The following NOS1AP variants were observed in gnomAD, a reference collection of about 807,000 sequenced individuals.
NOS1AP encodes carboxyl-terminal PDZ ligand of neuronal nitric oxide synthase protein.
In NOS1AP, 21 loss-of-function variants were observed where a neutral mutation model predicts 56.2. That is an observed-to-expected ratio of 0.37 (90% confidence interval 0.26 to 0.54). NOS1AP has a LOEUF of 0.54. Ranked by LOEUF, NOS1AP falls within the 20% of genes least tolerant of loss-of-function variation. The pLI is 0.84. For synonymous variants in NOS1AP, 270 were observed against 274.6 expected (o/e 0.98, Z 0.17); for missense variants, 522 against 657.8 (o/e 0.79, Z 2.26).
At chr1:162,356,064 A>G (rs986701029) in intron 7 of NOS1AP, among the ~76,000 whole-genome samples, 2 of 152,174 alleles carry the variant, frequency 1.3e-5, no homozygotes, top group African/African-American at 4.8e-5. Flanking sequence ...TCTCTCTTTA[A>G]CATTCATATC....
chr1:162,158,293 T>C (rs1480149685), intron 2 of NOS1AP, among the ~76,000 whole-genome samples: 1 of 152,210 alleles, frequency 6.6e-6, no homozygotes, highest in Non-Finnish European at 1.5e-5. Flanking sequence ...GTCATCAAGG[T>C]TCATCCATGT....
intron 8 of NOS1AP, among the ~76,000 whole-genome samples, chr1:162,360,316 C>CT (rs1293265020): frequency 6.6e-6 from 1 of 152,240 alleles, no homozygotes; most frequent in East Asian, 1.9e-4. Flanking sequence ...CCTGGCTGCA[C>CT]TAGCTTCCTG....
chr1:162,166,277 A>G (rs945712), intron 2 of NOS1AP, among the ~76,000 whole-genome samples: 150,724 of 152,342 alleles, frequency 0.99, 74,582 homozygotes, highest in East Asian at 1. Context: ...GCATTGTCCT[A>G]CTTAAAACCA....
intron 2 of NOS1AP, among the ~76,000 whole-genome samples, chr1:162,155,401 CATAT>C (rs1238168171): frequency 6.5e-5 from 7 of 107,908 alleles, no homozygotes; most frequent in Non-Finnish European, 1.2e-4. Flanking sequence ...ATAGAGAGCT[CATAT>C]ATATATATAT....
At chr1:162,258,755 G>A (rs1571167702) in intron 2 of NOS1AP, among the ~76,000 whole-genome samples, 1 of 152,194 alleles carries the variant, frequency 6.6e-6, no homozygotes, top group African/African-American at 2.4e-5. Context: ...CTGAAGGAGG[G>A]TGAGAGTGCC....
At chr1:162,189,945 A>G (rs536467289) in intron 2 of NOS1AP, among the ~76,000 whole-genome samples, 2 of 152,288 alleles carry the variant, frequency 1.3e-5, no homozygotes, top group South Asian at 4.1e-4. Flanking sequence ...CCTCCCAGCA[A>G]CAGAGGGATG....
Position 162,285,649 on chromosome 1 carries a change from T to C in NOS1AP, c.178-1695T>C, listed in dbSNP as rs1655066569. Among the ~76,000 whole-genome samples the C allele has an allele frequency of 1.3e-5, 2 of 152,152 alleles. 1 individual carries two copies. Among genetic ancestry groups the C allele is most frequent in the South Asian group, 4.1e-4 (2 of 4,828 alleles). ...ATGCGCCTCTTCTTCTCTGTCTCCA[T>C]CTCCCTCTCTGCCTCCCGTTTCCCC... On this transcript the variant is annotated intron_variant, in intron 2 of 9. Transcript: ENST00000361897.
chr1:162,219,216 C>A (rs1052140257), intron 2 of NOS1AP, among the ~76,000 whole-genome samples: 2 of 152,114 alleles, frequency 1.3e-5, no homozygotes, highest in Non-Finnish European at 2.9e-5. Context: ...TGGTTGTGAT[C>A]GATGACATAA....
At chr1:162,356,478 C>T (rs987463270) in intron 7 of NOS1AP, among the ~76,000 whole-genome samples, 4 of 152,190 alleles carry the variant, frequency 2.6e-5, no homozygotes, top group Non-Finnish European at 4.4e-5. Flanking sequence ...GACCCAGCTC[C>T]ACGCTTCTCC....
intron 2 of NOS1AP, among the ~76,000 whole-genome samples, chr1:162,180,275 C>T (rs1397681865): frequency 2.0e-5 from 3 of 151,890 alleles, no homozygotes; most frequent in South Asian, 2.1e-4. Flanking sequence ...GACAGAGTGT[C>T]GCTCTGTCGC....
At chr1:162,197,849 T>C (rs1651857888) in intron 2 of NOS1AP, among the ~76,000 whole-genome samples, 1 of 152,236 alleles carries the variant, frequency 6.6e-6, no homozygotes, top group African/African-American at 2.4e-5. Context: ...TGTCCAACTC[T>C]CTTGGCCCTG....
chr1:162,355,526 A>G (rs1657673464), intron 7 of NOS1AP, among the ~76,000 whole-genome samples, 173 bp downstream of exon 7: 1 of 152,160 alleles, frequency 6.6e-6, no homozygotes, highest in South Asian at 2.1e-4. Flanking sequence ...GGGTCTGAAC[A>G]CTAGATGCTG....
chr1:162,228,522 C>A (rs1653015771), intron 2 of NOS1AP, among the ~76,000 whole-genome samples: 1 of 152,172 alleles, frequency 6.6e-6, no homozygotes, highest in Admixed American at 6.5e-5. Context: ...ACTGAGGAGA[C>A]AGAATAGGAG....
chr1:162,271,295 C>G lies in NOS1AP; in HGVS notation c.178-16049C>G, dbSNP rs565348323. Among the ~76,000 whole-genome samples, 84 of 148,044 alleles carry G rather than the reference C, an allele frequency of 5.7e-4. 1 individual carries two copies. The highest frequency in any genetic ancestry group is 2.0e-3 in the African/African-American group (81 of 40,520). ...TCCAGCGATGGTACCCCCCACCCCC[C>G]AGCATGATCCTTGGGATACTACCCA... On this transcript the variant is annotated intron_variant, in intron 2 of 9. Transcript: ENST00000361897.
At chr1:162,321,726 A>AT (rs1230754123) in intron 4 of NOS1AP, among the ~76,000 whole-genome samples, 123 of 134,546 alleles carry the variant, frequency 9.1e-4, no homozygotes, top group Middle Eastern at 3.7e-3. Context: ...AATTAAAAAA[A>AT]AAAAAATATA....
chr1:162,257,422 G>A (rs770048413), intron 2 of NOS1AP, among the ~76,000 whole-genome samples: 5 of 152,140 alleles, frequency 3.3e-5, no homozygotes, highest in Non-Finnish European at 7.3e-5. Context: ...ACCAAGGTGG[G>A]TGGATCACCT....
chr1:162,318,857 C>A (rs1161145070), intron 4 of NOS1AP, among the ~76,000 whole-genome samples: 3 of 152,118 alleles, frequency 2.0e-5, no homozygotes, highest in Non-Finnish European at 4.4e-5. Flanking sequence ...TTCCTTAGTT[C>A]TTTTTTCCTT....
At chr1:162,249,505 A>G (rs563935873) in intron 2 of NOS1AP, among the ~76,000 whole-genome samples, 1 of 152,288 alleles carries the variant, frequency 6.6e-6, no homozygotes, top group South Asian at 2.1e-4. Flanking sequence ...TGAAAGCAGA[A>G]TGGTTTCCAG....
At chr1:162,341,476 C>G (rs1273957699) in intron 5 of NOS1AP, among the ~76,000 whole-genome samples, 1 of 152,224 alleles carries the variant, frequency 6.6e-6, no homozygotes, top group Non-Finnish European at 1.5e-5. Flanking sequence ...AACACTTAAT[C>G]TCTACATATC....
Sources: allele counts gnomAD v4.1 joint callset (sites outside exome capture counted in the v4.1 genomes callset), GRCh38; gene constraint gnomAD v4.1.1; transcripts MANE v1.5; gene names NCBI Gene and HGNC (gene_info 2026-07-23, HGNC 2026-07-21).